Variants in TTC28 observed in about 807,000 individuals in gnomAD.
The protein encoded by TTC28 is tetratricopeptide repeat domain 28, also known as tetratricopeptide repeat protein 28.
A neutral mutation model predicts 198.0 loss-of-function variants in TTC28; 61 were observed. The ratio of observed to expected loss-of-function variants is 0.31; its 90% CI spans 0.25 to 0.38. TTC28 has a LOEUF of 0.38. TTC28 is among the 10% of genes least tolerant of loss of function. The probability of loss-of-function intolerance (pLI) is 1.00; values close to 1 mark genes in which losing one functional copy is unlikely to be tolerated. For missense variants in TTC28, 2,678 were observed against 3,164.0 expected (o/e 0.85, Z 3.69); for synonymous variants, 1,171 against 1,297.8 (o/e 0.90, Z 2.10).
chr22:28,084,494 A>G (rs1167804944), intron 12 of TTC28, among the ~76,000 whole-genome samples: 1 of 152,184 alleles, frequency 6.6e-6, no homozygotes, highest in Non-Finnish European at 1.5e-5. Context: ...GGACATCCAC[A>G]CCAAAAACCC....
intron 2 of TTC28, among the ~76,000 whole-genome samples, chr22:28,394,434 T>C (rs963953034): frequency 6.6e-6 from 1 of 152,242 alleles, no homozygotes; most frequent in Non-Finnish European, 1.5e-5. Flanking sequence ...TCAATTTGTC[T>C]TCTCCAAACT....
intron 3 of TTC28, among the ~76,000 whole-genome samples, chr22:28,299,717 G>C (rs1031230384): frequency 1.3e-5 from 2 of 152,156 alleles, no homozygotes; most frequent in Admixed American, 6.5e-5. Flanking sequence ...GAGTTGAAAA[G>C]ACTTTTAAAA....
At position 28,417,158 on chromosome 22, in the gene TTC28, G is replaced by A. The variant is rs140681219; in HGVS notation, c.382-110515C>T. Among the ~76,000 whole-genome samples the A allele has an allele frequency of 3.0e-3, 453 of 152,078 alleles. 4 individuals are homozygous for A. Among genetic ancestry groups the A allele is most frequent in the African/African-American group, 0.01 (433 of 41,474 alleles). On this transcript the variant is annotated intron_variant, in intron 2 of 22. Coordinates refer to ENST00000397906, the MANE Select transcript of TTC28 (RefSeq NM_001145418.2). Reference sequence around the variant, plus strand: ...AATCCCATCACTTTGGGAGGCTGAGGTGGGAGGATGGCTTGAGCCTAGGGG... The same window carrying A: ...AATCCCATCACTTTGGGAGGCTGAGATGGGAGGATGGCTTGAGCCTAGGGG...
chr22:28,138,966 G>A (rs183384440), intron 6 of TTC28, among the ~76,000 whole-genome samples: 2 of 151,820 alleles, frequency 1.3e-5, no homozygotes, highest in Non-Finnish European at 2.9e-5. Flanking sequence ...ATATAAGCAT[G>A]AATCACAAGG....
In TTC28 at chr22:28,676,083, C is replaced by T. The variant is rs2051983940; in HGVS notation, c.102+3539G>A. On this transcript the variant is annotated intron_variant, in intron 1 of 22. Coordinates refer to ENST00000397906, the MANE Select transcript of TTC28 (RefSeq NM_001145418.2). Reference sequence around the variant, plus strand: ...CACAAATGTTCATAGCAGCATTATTCATAATAGCCGAAAATTGGAAAAAAA... The same window carrying T: ...CACAAATGTTCATAGCAGCATTATTTATAATAGCCGAAAATTGGAAAAAAA... Among the ~76,000 whole-genome samples, 2 of 149,894 alleles carry T rather than the reference C, an allele frequency of 1.3e-5. 1 individual carries two copies. The highest frequency in any genetic ancestry group is 5.0e-5 in the African/African-American group (2 of 40,276).
intron 2 of TTC28, among the ~76,000 whole-genome samples, chr22:28,323,166 G>C (rs1424454152): frequency 6.6e-6 from 1 of 152,102 alleles, no homozygotes; most frequent in Non-Finnish European, 1.5e-5. Flanking sequence ...CTTAACTTTT[G>C]CAAGCCTAGA....
At chr22:28,001,277 G>A in intron 15 of TTC28, 97 bp downstream of exon 15, 1 of 1,407,022 alleles carries the variant, frequency 7.1e-7, no homozygotes, top group Non-Finnish European at 9.6e-7. Context: ...GGAGATCACA[G>A]CTATGCCTTC....
intron 2 of TTC28, among the ~76,000 whole-genome samples, chr22:28,373,184 C>T (rs35313550): frequency 0.017 from 2,620 of 151,546 alleles, 36 homozygotes; most frequent in Middle Eastern, 0.054. Flanking sequence ...ATACCAGGTA[C>T]TATGCCAGAT....
chr22:28,367,505 C>T (rs2046266974), intron 2 of TTC28, among the ~76,000 whole-genome samples: 1 of 151,508 alleles, frequency 6.6e-6, no homozygotes, highest in Non-Finnish European at 1.5e-5. Flanking sequence ...AAATAAATAA[C>T]CTAATGATGC....
intron 2 of TTC28, among the ~76,000 whole-genome samples, chr22:28,467,243 A>C (rs1343307320): frequency 6.6e-6 from 1 of 152,200 alleles, no homozygotes; most frequent in East Asian, 1.9e-4. Flanking sequence ...CAACATAGTG[A>C]GACCCTGTCT....
intron 3 of TTC28, among the ~76,000 whole-genome samples, chr22:28,304,109 C>T (rs572311619): frequency 1.7e-4 from 26 of 152,168 alleles, no homozygotes; most frequent in African/African-American, 6.3e-4. Context: ...CACGATGAAA[C>T]CCCGTCTCTA....
chr22:28,394,814 T>C (rs895292692), intron 2 of TTC28, among the ~76,000 whole-genome samples: 1 of 152,124 alleles, frequency 6.6e-6, no homozygotes, highest in African/African-American at 2.4e-5. Context: ...AACGTATGAA[T>C]TTCAGCCTTC....
chr22:28,344,993 C>T (rs2045883762), intron 2 of TTC28, among the ~76,000 whole-genome samples: 1 of 152,120 alleles, frequency 6.6e-6, no homozygotes, highest in Non-Finnish European at 1.5e-5. Context: ...AAGCAGCTTG[C>T]CTCACGTCAC....
intron 2 of TTC28, among the ~76,000 whole-genome samples, chr22:28,370,857 T>C (rs985836106): frequency 9.2e-5 from 14 of 152,182 alleles, no homozygotes; most frequent in African/African-American, 3.4e-4. Context: ...TAGCGGTGCA[T>C]GACTTTGTTA....
chr22:28,256,641 G>T (rs533510518), intron 5 of TTC28, among the ~76,000 whole-genome samples: 5 of 152,068 alleles, frequency 3.3e-5, no homozygotes, highest in Admixed American at 2.6e-4. Flanking sequence ...AAAGAACAAG[G>T]CTGGAGATAT....
At chr22:28,100,378 T>C (rs1456192473) in intron 9 of TTC28, among the ~76,000 whole-genome samples, 1 of 152,244 alleles carries the variant, frequency 6.6e-6, no homozygotes, top group Non-Finnish European at 1.5e-5. Context: ...TCAAATTCAC[T>C]GAGCTATAAT....
intron 13 of TTC28, among the ~76,000 whole-genome samples, chr22:28,025,683 G>A (rs1269604213): frequency 6.6e-6 from 1 of 152,192 alleles, no homozygotes; most frequent in African/African-American, 2.4e-5. Flanking sequence ...GGGCCACAAA[G>A]CAAGACCCTG....
At chr22:28,331,228 C>A (rs931161243) in intron 2 of TTC28, among the ~76,000 whole-genome samples, 1 of 152,134 alleles carries the variant, frequency 6.6e-6, no homozygotes, top group African/African-American at 2.4e-5. Context: ...AAGCTAAGAG[C>A]TTGTAAGTGT....
chr22:28,149,744 G>A (rs1017655282), intron 6 of TTC28, among the ~76,000 whole-genome samples: 5 of 152,194 alleles, frequency 3.3e-5, no homozygotes, highest in Non-Finnish European at 5.9e-5. Flanking sequence ...TAGAGGCTGG[G>A]AGGTGGGGGA....
Sources: allele counts gnomAD v4.1 joint callset (sites outside exome capture counted in the v4.1 genomes callset), GRCh38; gene constraint gnomAD v4.1.1; transcripts MANE v1.5; gene names NCBI Gene and HGNC (gene_info 2026-07-23, HGNC 2026-07-21).